Variants in PCDHA1 observed in about 807,000 individuals in gnomAD.
PCDHA1 encodes the protein protocadherin alpha-1.
Under a neutral mutation model 61.3 loss-of-function variants are expected in PCDHA1, and 42 were observed. That is an observed-to-expected ratio of 0.69 (90% CI 0.54 to 0.89). PCDHA1 has a LOEUF of 0.89. Ranked by LOEUF, PCDHA1 falls within the 40% of genes least tolerant of loss-of-function variation. PCDHA1 has a pLI of 0.00. For missense variants in PCDHA1, 1,256 were observed against 1,235.3 expected (o/e 1.02, Z -0.25); for synonymous variants, 610 against 553.8 (o/e 1.10, Z -1.43).
At position 140,822,821 on chromosome 5, in the gene PCDHA1, T is replaced by C. The variant is rs2150119660; in HGVS notation, c.2394+34137T>C. On this transcript the variant is annotated intron_variant, in intron 1 of 3. Coordinates refer to ENST00000504120, the MANE Select transcript of PCDHA1 (RefSeq NM_018900.4). ...GATGTGAATGATAATACCCCAGAGATGGCCATAACCACCCTTTTCCTGCCT... is the reference window on the plus strand; with the variant it reads ...GATGTGAATGATAATACCCCAGAGACGGCCATAACCACCCTTTTCCTGCCT... 4.3e-6 allele frequency: 7 copies of C among 1,614,038 alleles called. No homozygotes were observed. In the African/African-American group the frequency reaches 5.3e-5, roughly 12 times the overall value.
rs781892033 is a variant in PCDHA1 at position 140,787,317 on chromosome 5, G to A, written c.1027G>A (p.Val343Ile). ...HCKVLVKVLD[V>I]NDNAPELAVT... Reference sequence around the variant, plus strand: ...TAAGGTTTTGGTGAAAGTGCTGGATGTAAATGATAATGCTCCAGAACTGGC... The same window carrying A: ...TAAGGTTTTGGTGAAAGTGCTGGATATAAATGATAATGCTCCAGAACTGGC... The change falls in exon 1 of 4, where the codon GTA becomes ATA. Residue 343 changes from valine to isoleucine, a missense_variant. Coordinates refer to ENST00000504120, the MANE Select transcript of PCDHA1 (RefSeq NM_018900.4). 4 of 1,614,058 alleles carry A rather than the reference G, an allele frequency of 2.5e-6. No homozygotes were observed. The highest frequency in any genetic ancestry group is 3.4e-6 in the Non-Finnish European group (4 of 1,180,000).
intron 1 of PCDHA1, among the ~76,000 whole-genome samples, chr5:140,871,869 T>C (rs1230282991): frequency 6.6e-6 from 1 of 152,230 alleles, no homozygotes; most frequent in Non-Finnish European, 1.5e-5. Context: ...TATGGATTAT[T>C]TAAATTTGCT....
intron 1 of PCDHA1, chr5:140,824,245 C>A: frequency 1.4e-6 from 2 of 1,462,164 alleles, no homozygotes; most frequent in Non-Finnish European, 9.5e-7. Flanking sequence ...TATTGTGGTA[C>A]ACAATTATTG....
chr5:140,850,297 C>G, intron 1 of PCDHA1: 2 of 1,596,438 alleles, frequency 1.3e-6, no homozygotes, highest in Non-Finnish European at 1.7e-6. Flanking sequence ...GACGCCGACT[C>G]GGGCTACAAC....
chr5:140,788,016 G>A lies in PCDHA1; in HGVS notation c.1726G>A (p.Ala576Thr), dbSNP rs781940481. The A allele has an allele frequency of 1.4e-5, 22 of 1,614,014 alleles. No homozygotes were observed. The highest frequency in any genetic ancestry group is 2.2e-5 in the East Asian group (1 of 44,870). Reference protein sequence around the residue: ...LAPRVGGTIGAVSELVPRLVG... With the variant: ...LAPRVGGTIGTVSELVPRLVG... The stretch of plus-strand genomic sequence containing the variant: ...GCCTCGAGTGGGTGGCACTATTGGT[G>A]CAGTCAGTGAGCTGGTGCCGCGATT... The change falls in exon 1 of 4, where the codon GCA becomes ACA. Residue 576 changes from alanine to threonine, a missense_variant. Physicochemically the swap from Ala to Thr is moderately conservative, Grantham distance 58. Coordinates refer to ENST00000504120, the MANE Select transcript of PCDHA1 (RefSeq NM_018900.4).
At chr5:140,848,538 C>G in intron 1 of PCDHA1, 1 of 1,595,318 alleles carries the variant, frequency 6.3e-7, no homozygotes. Flanking sequence ...TCAGCCTCTA[C>G]TGCTCTCGCT....
intron 1 of PCDHA1, chr5:140,815,922 A>G (rs1209942004): frequency 6.6e-6 from 1 of 152,132 alleles, no homozygotes; most frequent in Non-Finnish European, 1.5e-5. Flanking sequence ...TCTGGATGGC[A>G]AGGTTTCTAC....
chr5:140,969,106 A>G, intron 1 of PCDHA1: 1 of 1,614,132 alleles, frequency 6.2e-7, no homozygotes, highest in Non-Finnish European at 8.5e-7. Flanking sequence ...ACTTCATTGA[A>G]GTTCGAGGGA....
At position 140,849,933 on chromosome 5, in the gene PCDHA1, C is replaced by G. The variant is rs2150458258; in HGVS notation, c.2394+61249C>G. Reference sequence around the variant, plus strand: ...CTGCCACATCTTCACGGTGTCTGCGCGGGACGCTGACGCGCAGGAGAACGC... The same window carrying G: ...CTGCCACATCTTCACGGTGTCTGCGGGGGACGCTGACGCGCAGGAGAACGC... On this transcript the variant is annotated intron_variant, in intron 1 of 3. Transcript: ENST00000504120. 8.1e-6 allele frequency: 13 copies of G among 1,598,002 alleles called. 1 individual carries two copies. In the African/African-American group the frequency reaches 1.2e-4, roughly 15 times the overall value.
intron 1 of PCDHA1, among the ~76,000 whole-genome samples, chr5:140,941,768 T>C (rs576405772): frequency 2.6e-5 from 4 of 152,254 alleles, no homozygotes; most frequent in Non-Finnish European, 5.9e-5. Context: ...TTTAAGATAA[T>C]TGTTTTAATG....
chr5:140,790,993 T>A (rs1761614150), intron 1 of PCDHA1, among the ~76,000 whole-genome samples: 1 of 152,252 alleles, frequency 6.6e-6, no homozygotes, highest in Non-Finnish European at 1.5e-5. Context: ...CATTGGTAGT[T>A]AAAGTTCTTG....
intron 1 of PCDHA1, chr5:140,843,065 C>T (rs1554139692): frequency 6.3e-7 from 1 of 1,595,232 alleles, no homozygotes; most frequent in Non-Finnish European, 8.6e-7. Flanking sequence ...CAAGCTGGTG[C>T]CGCGGTCTGT....
rs782516369 is a variant in PCDHA1 at position 140,857,545 on chromosome 5, C to T, written c.2394+68861C>T. The T allele has an allele frequency of 1.9e-6, 3 of 1,596,810 alleles. 1 individual carries two copies. The highest frequency in any genetic ancestry group is 1.1e-5 in the South Asian group (1 of 90,486). On this transcript the variant is annotated intron_variant, in intron 1 of 3. Transcript: ENST00000504120. ...ACTCTCTGGTGGAGCGGCGGTTGGGCGAGCGCTCGCTGTCGAGCTACGTGT... is the reference window on the plus strand; with the variant it reads ...ACTCTCTGGTGGAGCGGCGGTTGGGTGAGCGCTCGCTGTCGAGCTACGTGT...
chr5:140,884,797 T>A, intron 1 of PCDHA1: 1 of 1,276,990 alleles, frequency 7.8e-7, no homozygotes, highest in Non-Finnish European at 1.1e-6. Flanking sequence ...TTATCGAATT[T>A]AACAACTCTG....
intron 1 of PCDHA1, among the ~76,000 whole-genome samples, chr5:140,923,350 A>G (rs2081329332): frequency 6.6e-6 from 1 of 152,092 alleles, no homozygotes; most frequent in Non-Finnish European, 1.5e-5. Flanking sequence ...ACATAGTGGG[A>G]CCCTATCTTT....
rs191365735 is a variant in PCDHA1 at position 140,910,066 on chromosome 5, C to T, written c.2395-68883C>T. Among the ~76,000 whole-genome samples the T allele has an allele frequency of 7.2e-5, 11 of 152,234 alleles. No individual in the cohort carries two copies. In the East Asian group the frequency reaches 1.5e-3, roughly 21 times the overall value. On this transcript the variant is annotated intron_variant, in intron 1 of 3. Coordinates refer to ENST00000504120, the MANE Select transcript of PCDHA1 (RefSeq NM_018900.4). ...GTCATAATAAGTGATCTTTTAACAG[C>T]GTAAATTGTTGTCAAGGGGAACCAG...
Position 140,822,186 on chromosome 5 carries a change from A to G in PCDHA1, c.2394+33502A>G, listed in dbSNP as rs2150114425. 8.1e-6 allele frequency: 13 copies of G among 1,614,252 alleles called. 1 individual carries two copies. The South Asian group carries it at 1.3e-4, about 16-fold the overall frequency. ...CGCCCAGGTTCTCCAGACAAGAACA[A>G]AGATTATTCATTTTAGAGTCAAGAA... On this transcript the variant is annotated intron_variant, in intron 1 of 3. Transcript: ENST00000504120.
At chr5:140,877,653 C>A in intron 1 of PCDHA1, 1 of 1,613,522 alleles carries the variant, frequency 6.2e-7, no homozygotes, top group Non-Finnish European at 8.5e-7. Flanking sequence ...CAGCGCCGCC[C>A]ACCGTGAGCC....
chr5:140,821,057 T>A (rs1253848175), intron 1 of PCDHA1, among the ~76,000 whole-genome samples: 6 of 152,004 alleles, frequency 3.9e-5, no homozygotes, highest in Non-Finnish European at 5.9e-5. Context: ...AAGAATGCCA[T>A]TAAAATAGTT....
Sources: gnomAD v4.1 joint callset for allele counts (sites outside exome capture counted in the v4.1 genomes callset) on GRCh38, gnomAD v4.1.1 for gene constraint, MANE v1.5 for transcripts, NCBI Gene and HGNC (gene_info 2026-07-23, HGNC 2026-07-21) for gene names.